The following FOXP1 variants were observed in gnomAD, a reference collection of about 807,000 sequenced individuals.
The protein encoded by FOXP1 is forkhead box protein P1.
In FOXP1, 15 loss-of-function variants were observed where a neutral mutation model predicts 98.2. The ratio of observed to expected loss-of-function variants is 0.15; its 90% CI spans 0.10 to 0.24. The LOEUF is 0.24. FOXP1 is among the 10% of genes least tolerant of loss of function. The pLI is 1.00. For synonymous variants in FOXP1, 371 were observed against 314.5 expected, an observed-to-expected ratio of 1.18 and a Z score of -1.90; for missense variants, 633 against 848.5, an observed-to-expected ratio of 0.75 and a Z score of 3.15.
At chr3:71,276,081 A>G (rs1266095844) in intron 5 of FOXP1, 1 of 152,246 alleles carries the variant, frequency 6.6e-6, no homozygotes, top group African/African-American at 2.4e-5. Flanking sequence ...AATGATTAAA[A>G]AGAAATCAGG....
chr3:71,101,523 C>T (rs2056957873), intron 7 of FOXP1, among the ~76,000 whole-genome samples: 1 of 151,904 alleles, frequency 6.6e-6, no homozygotes, highest in Non-Finnish European at 1.5e-5. Flanking sequence ...CCAAAAAAAA[C>T]AAGTTAGCCC....
intron 3 of FOXP1, among the ~76,000 whole-genome samples, chr3:71,405,813 C>T (rs964681412): frequency 4.6e-5 from 7 of 152,200 alleles, no homozygotes; most frequent in African/African-American, 1.4e-4. Flanking sequence ...ATCACAACCT[C>T]TGCCTCCCGG....
intron 17 of FOXP1, among the ~76,000 whole-genome samples, chr3:70,976,300 T>G (rs1258167203): frequency 6.6e-6 from 1 of 152,130 alleles, no homozygotes; most frequent in Non-Finnish European, 1.5e-5. Flanking sequence ...GTGATCCTCT[T>G]GCCTTAGCCT....
chr3:71,375,808 C>T (rs2079670088), intron 3 of FOXP1, among the ~76,000 whole-genome samples: 1 of 152,166 alleles, frequency 6.6e-6, no homozygotes, highest in African/African-American at 2.4e-5. Context: ...CAGACGATTC[C>T]TTAGAAGGAA....
At chr3:71,356,418 T>C (rs996186583) in intron 4 of FOXP1, among the ~76,000 whole-genome samples, 1 of 152,004 alleles carries the variant, frequency 6.6e-6, no homozygotes, top group African/African-American at 2.4e-5. Context: ...TGAGGAGCAA[T>C]GGACTGCGAA....
At chr3:71,157,752 A>G (rs4334611) in intron 6 of FOXP1, among the ~76,000 whole-genome samples, 88,443 of 151,924 alleles carry the variant, frequency 0.58, 26,616 homozygotes, top group Middle Eastern at 0.69. Context: ...TGGGCTAAGA[A>G]GCTAGTCAAG....
At chr3:71,433,007 G>A (rs1224664180) in intron 3 of FOXP1, among the ~76,000 whole-genome samples, 1 of 151,930 alleles carries the variant, frequency 6.6e-6, no homozygotes, top group Non-Finnish European at 1.5e-5. Flanking sequence ...TTTTGTACCT[G>A]CTTGGTCTTC....
At chr3:71,019,320 T>C (rs1011332250) in intron 11 of FOXP1, among the ~76,000 whole-genome samples, 2 of 152,188 alleles carry the variant, frequency 1.3e-5, no homozygotes, top group Non-Finnish European at 2.9e-5. Context: ...AACTCACCAA[T>C]GTGTAAAGTA....
At position 71,251,035 on chromosome 3, in the gene FOXP1, T is replaced by C. The variant is rs919041241; in HGVS notation, c.-12+48785A>G. ...TCAAATTTAAGTAAAAATTATTTTT[T>C]ATAAACACGGTTTTGATTAGAATTG... On this transcript the variant is annotated intron_variant, in intron 5 of 20. Coordinates refer to ENST00000649528, the MANE Select transcript of FOXP1 (RefSeq NM_001349338.3). 9.2e-5 allele frequency among the ~76,000 whole-genome samples: 14 copies of C among 152,386 alleles called. 1 individual carries two copies. Among genetic ancestry groups the C allele is most frequent in the Middle Eastern group, 6.8e-3 (2 of 294 alleles).
rs556258222 is a variant in FOXP1, at chr3:70,957,211, A to G, written c.*2036T>C. 1 of 224,120 alleles carries G rather than the reference A, an allele frequency of 4.5e-6. No individual in the cohort carries two copies. The highest frequency in any genetic ancestry group is 1.9e-4 in the South Asian group (1 of 5,402). 13.9% of individuals were successfully genotyped at this position (224,120 alleles called of 1,614,324 possible). A position where few individuals can be genotyped will look rare whatever the true frequency, so the allele number is the denominator to read the frequency against. ...TGTAGCTCCTTTAATATTGTGTCCT[A>G]TTTTTATCTGCAGTAGCCCCATAAA... On this transcript the variant is annotated 3_prime_UTR_variant, in exon 21 of 21. Coordinates refer to ENST00000649528, the MANE Select transcript of FOXP1 (RefSeq NM_001349338.3).
intron 7 of FOXP1, among the ~76,000 whole-genome samples, chr3:71,101,965 G>A (rs2057004138): frequency 6.6e-6 from 1 of 152,150 alleles, no homozygotes; most frequent in Non-Finnish European, 1.5e-5. Context: ...TACTACTTAA[G>A]TAGTTAAAAA....
At chr3:71,207,870 C>T (rs2064164098) in intron 5 of FOXP1, among the ~76,000 whole-genome samples, 1 of 152,148 alleles carries the variant, frequency 6.6e-6, no homozygotes, top group Admixed American at 6.5e-5. Flanking sequence ...GTCATGTGCA[C>T]ACACCAAACT....
chr3:70,979,037 T>C (rs1206858993), intron 14 of FOXP1, among the ~76,000 whole-genome samples: 1 of 151,262 alleles, frequency 6.6e-6, no homozygotes, highest in Non-Finnish European at 1.5e-5. Flanking sequence ...GAGGCTGAGG[T>C]GGGAGGATCT....
At chr3:71,237,231 G>GAAAAAAAAAAAAAAA in intron 5 of FOXP1, among the ~76,000 whole-genome samples, 1 of 28,286 alleles carries the variant, frequency 3.5e-5, no homozygotes, top group Non-Finnish European at 5.8e-5. Context: ...GACTCCATCT[G>GAAAAAAAAAAAAAAA]AAAAAAAAAA....
intron 14 of FOXP1, among the ~76,000 whole-genome samples, chr3:70,983,599 G>A (rs570496911): frequency 3.7e-4 from 57 of 152,172 alleles, no homozygotes; most frequent in South Asian, 4.2e-4. Context: ...TAAGATTTTC[G>A]TCAAGAAGAA....
At chr3:71,039,462 T>C (rs1183825117) in intron 11 of FOXP1, among the ~76,000 whole-genome samples, 1 of 152,162 alleles carries the variant, frequency 6.6e-6, no homozygotes, top group African/African-American at 2.4e-5. Flanking sequence ...TGACTGCAGA[T>C]ACATAACCTT....
chr3:71,041,070 T>C (rs539672003), intron 11 of FOXP1, among the ~76,000 whole-genome samples: 1 of 152,140 alleles, frequency 6.6e-6, no homozygotes, highest in East Asian at 1.9e-4. Flanking sequence ...ATCCAACCCA[T>C]CCAATGAGAA....
intron 4 of FOXP1, among the ~76,000 whole-genome samples, 190 bp from the exon 5 acceptor site, chr3:71,300,070 C>A (rs1189912786): frequency 6.6e-6 from 1 of 152,162 alleles, no homozygotes; most frequent in East Asian, 1.9e-4. Context: ...CTCTTCAAGA[C>A]AACAAAATTG....
At chr3:71,105,313 T>C (rs1437639535) in intron 7 of FOXP1, among the ~76,000 whole-genome samples, 1 of 152,172 alleles carries the variant, frequency 6.6e-6, no homozygotes, top group Non-Finnish European at 1.5e-5. Context: ...CCTGTGGCTC[T>C]CATAATTAGT....
Sources: allele counts gnomAD v4.1 joint callset (sites outside exome capture counted in the v4.1 genomes callset), GRCh38; gene constraint gnomAD v4.1.1; transcripts MANE v1.5; gene names NCBI Gene and HGNC (gene_info 2026-07-23, HGNC 2026-07-21).